The following SNAPC2 variants were observed in gnomAD, a reference collection of about 807,000 sequenced individuals.
The protein encoded by SNAPC2 is snRNA-activating protein complex subunit 2.
In SNAPC2, 27 loss-of-function variants were observed where a neutral mutation model predicts 22.9. The observed-to-expected ratio is 1.18, with a 90% confidence interval of 0.87 to 1.63. The LOEUF (loss-of-function observed/expected upper bound fraction) is 1.63, where lower values mean the gene tolerates loss of function less well. Ranked by LOEUF, SNAPC2 falls within the 40% of genes most tolerant of loss-of-function variation. The pLI, the probability that SNAPC2 is intolerant of heterozygous loss-of-function variation, is 0.00. For missense variants in SNAPC2, 570 were observed against 449.1 expected, an observed-to-expected ratio of 1.27 and a Z score of -2.43; for synonymous variants, 272 against 201.0, an observed-to-expected ratio of 1.35 and a Z score of -2.99.
At chr19:7,921,141 G>A in intron 1 of SNAPC2, 6 of 1,362,608 alleles carry the variant, frequency 4.4e-6, no homozygotes, top group African/African-American at 1.5e-5. Context: ...TAGAGAAGAG[G>A]GGACGAAGAA....
intron 3 of SNAPC2, 73 bp from the exon 4 acceptor site, chr19:7,921,962 G>A: frequency 2.0e-6 from 3 of 1,501,432 alleles, no homozygotes; most frequent in Admixed American, 3.7e-5. Flanking sequence ...GGGTGGCAGG[G>A]AGGATGGGGG....
At position 7,922,569 on chromosome 19, in the gene SNAPC2, C is replaced by G; in HGVS notation, c.810C>G (p.Pro270=). Residue 270 remains proline (P), a synonymous_variant, in exon 5 of 5, where the codon CCC becomes CCG. Transcript: ENST00000221573. ...GCCTGACAGCCCCCCAGCCCATTCC[C>G]GCTGGAGGGAGCCTGGGGCCTGCAG... The part of the protein sequence containing the change: ...YLRLTAPQPI[P]AGGSLGPAAE... 6.2e-7 allele frequency: 1 copy of G among 1,613,560 alleles called. No homozygotes were observed. Among genetic ancestry groups the G allele is most frequent in the Non-Finnish European group, 8.5e-7 (1 of 1,179,882 alleles).
chr19:7,921,329 C>T, intron 1 of SNAPC2, 94 bp from the exon 2 acceptor site: 1 of 1,584,662 alleles, frequency 6.3e-7, no homozygotes, highest in Non-Finnish European at 8.6e-7. Flanking sequence ...GGCGCAGTAG[C>T]GGGGCCCAGA....
chr19:7,920,975 T>C, intron 1 of SNAPC2: 1 of 1,092,374 alleles, frequency 9.2e-7, no homozygotes, highest in Admixed American at 5.0e-5. Flanking sequence ...GTGGGCGGGA[T>C]GAGGGCAAGC....
chr19:7,922,348 G>GT lies in SNAPC2; in HGVS notation c.685+2dup. 6.2e-7 allele frequency: 1 copy of GT among 1,611,768 alleles called. No individual in the cohort carries two copies. Among genetic ancestry groups the GT allele is most frequent in the Non-Finnish European group, 8.5e-7 (1 of 1,178,652 alleles). On this transcript the variant is annotated splice_donor_variant, in intron 4 of 4. Transcript: ENST00000221573. LOFTEE classifies it high-confidence loss of function. ...CGCAGCCCCGAGCTCTCAGCAGCTGGTGAGAAGGGTGAGGGAGGGGGCAGG... is the reference window on the plus strand; with the variant it reads ...CGCAGCCCCGAGCTCTCAGCAGCTGGTTGAGAAGGGTGAGGGAGGGGGCAGG...
intron 1 of SNAPC2, chr19:7,921,052 T>TCCC: frequency 8.5e-7 from 1 of 1,171,974 alleles, no homozygotes; most frequent in Non-Finnish European, 1.1e-6. Context: ...CGGAATGAAC[T>TCCC]GGGAGTAAGA....
chr19:7,922,468 C>G lies in SNAPC2; in HGVS notation c.709C>G (p.Leu237Val). 6.3e-7 allele frequency: 1 copy of G among 1,596,870 alleles called. No individual in the cohort carries two copies. The highest frequency in any genetic ancestry group is 8.6e-7 in the Non-Finnish European group (1 of 1,169,248). The change falls in exon 5 of 5, where the codon CTC (leucine) becomes GTC (valine). Residue 237 changes from leucine to valine, a missense_variant. Physicochemically the swap from Leu to Val is conservative, Grantham distance 32. Coordinates refer to ENST00000221573, the MANE Select transcript of SNAPC2 (RefSeq NM_003083.4). ...AGAGTCCGCTGTGGTCCTCGACCTG[C>G]TCATGTCACTTCCAGAGGAGCTGCC... is the stretch of plus-strand genomic sequence containing the variant. Reference protein sequence around the residue: ...AAESAVVLDLLMSLPEELPLL... With the variant: ...AAESAVVLDLVMSLPEELPLL...
At chr19:7,921,279 A>T in intron 1 of SNAPC2, 144 bp from the exon 2 acceptor site, 2 of 1,459,670 alleles carry the variant, frequency 1.4e-6, no homozygotes, top group Admixed American at 3.9e-5. Flanking sequence ...GGGCCTTGGC[A>T]GTCACTGGGA....
chr19:7,922,213 C>G lies in SNAPC2; in HGVS notation c.551C>G (p.Pro184Arg). The change falls in exon 4 of 5, where the codon CCT becomes CGT. Residue 184 changes from proline (P) to arginine (R), a missense_variant. By Grantham distance (103) the Pro-to-Arg change is moderately radical. Transcript: ENST00000221573. ...APSSAPRTPD[P>R]APEKPSESSA... is the part of the protein sequence containing the mutation. ...AGCTCCGCACCCAGGACTCCTGACCCTGCCCCTGAGAAACCTTCTGAGTCG... is the reference window on the plus strand; with the variant it reads ...AGCTCCGCACCCAGGACTCCTGACCGTGCCCCTGAGAAACCTTCTGAGTCG... The G allele has an allele frequency of 6.2e-7, 1 of 1,614,188 alleles. No individual in the cohort carries two copies. The highest frequency in any genetic ancestry group is 8.5e-7 in the Non-Finnish European group (1 of 1,180,028).
rs748572912 is a variant in SNAPC2, at chr19:7,922,656, C to G, written c.897C>G (p.Ala299=). ...PEETPPATEK[A]EHSELKSPWQ... ...AGACCCCCCCAGCCACCGAGAAGGC[C>G]GAGCACAGCGAACTGAAATCGCCTT... Residue 299 remains alanine (A), a synonymous_variant, in exon 5 of 5, where the codon GCC becomes GCG. Coordinates refer to ENST00000221573, the MANE Select transcript of SNAPC2 (RefSeq NM_003083.4). 1 of 1,613,688 alleles carries G rather than the reference C, an allele frequency of 6.2e-7. No individual in the cohort carries two copies. Among genetic ancestry groups the G allele is most frequent in the African/African-American group, 1.3e-5 (1 of 75,050 alleles).
Position 7,922,128 on chromosome 19 carries a change from G to C in SNAPC2, c.466G>C (p.Ala156Pro), listed in dbSNP as rs200376385. The change falls in exon 4 of 5, where the codon GCC becomes CCC. Residue 156 changes from alanine to proline, a missense_variant. Ala to Pro is a conservative substitution (Grantham distance 27). Transcript: ENST00000221573. ...QARGKPLLLS[A>P]PGGQEDPAPE... ...CCGTGGAAAGCCTTTGCTCCTGAGC[G>C]CCCCTGGAGGACAGGAAGACCCCGC... The C allele has an allele frequency of 3.7e-6, 6 of 1,613,808 alleles. No homozygotes were observed. Among genetic ancestry groups the C allele is most frequent in the Admixed American group, 3.3e-5 (2 of 59,988 alleles).
At chr19:7,920,993 G>T (rs1333926162) in intron 1 of SNAPC2, 2 of 1,134,530 alleles carry the variant, frequency 1.8e-6, no homozygotes, top group Non-Finnish European at 2.2e-6. Context: ...AGCTTTAAAG[G>T]CGGGGCGAGC....
chr19:7,921,648 T>TG (rs746460119), intron 2 of SNAPC2, 57 bp from the exon 3 acceptor site: 136 of 1,608,836 alleles, frequency 8.5e-5, no homozygotes, highest in Non-Finnish European at 1.1e-4. Flanking sequence ...GAGCAGGGCT[T>TG]GGGGGGCCAT....
chr19:7,921,836 A>C, intron 3 of SNAPC2, 63 bp downstream of exon 3: 2 of 1,549,674 alleles, frequency 1.3e-6, no homozygotes, highest in Non-Finnish European at 1.8e-6. Flanking sequence ...GGGCCAAATC[A>C]TGTGAACCTG....
Position 7,920,554 on chromosome 19 carries a change from G to A in SNAPC2, c.183+5G>A, listed in dbSNP as rs1983527837. ...CGGGGCCGGAGCGAGGCTGAGGTGA[G>A]ATGCGGTTCTCGGGACCGGAGCCAG... On this transcript the variant is annotated splice_donor_5th_base_variant and intron_variant, in intron 1 of 4. Coordinates refer to ENST00000221573, the MANE Select transcript of SNAPC2 (RefSeq NM_003083.4). The A allele has an allele frequency of 7.5e-7, 1 of 1,329,392 alleles. No homozygotes were observed. Among genetic ancestry groups the A allele is most frequent in the Non-Finnish European group, 9.7e-7 (1 of 1,028,816 alleles). 82.3% of individuals were successfully genotyped at this position (1,329,392 alleles called of 1,614,324 possible). A position where few individuals can be genotyped will look rare whatever the true frequency, so the allele number is the denominator to read the frequency against.
At chr19:7,921,944 G>A (rs1236935802) in intron 3 of SNAPC2, 91 bp from the exon 4 acceptor site, 2 of 1,445,440 alleles carry the variant, frequency 1.4e-6, no homozygotes, top group East Asian at 2.3e-5. Context: ...TGTCTGAGGA[G>A]CATCTTAGGG....
At position 7,922,289 on chromosome 19, in the gene SNAPC2, C is replaced by T. The variant is rs766046267; in HGVS notation, c.627C>T (p.Ile209=). The T allele has an allele frequency of 8.2e-5, 132 of 1,613,910 alleles. No homozygotes were observed. The highest frequency in any genetic ancestry group is 6.3e-5 in the Non-Finnish European group (74 of 1,180,022). ...EEDFAVDFEK[I]YKYLSSVSRS... ...ACTTTGCTGTGGACTTTGAGAAGATCTACAAGTACTTGTCCTCTGTCTCCC... is the reference window on the plus strand; with the variant it reads ...ACTTTGCTGTGGACTTTGAGAAGATTTACAAGTACTTGTCCTCTGTCTCCC... Residue 209 remains isoleucine (I), a synonymous_variant, in exon 4 of 5, where the codon ATC becomes ATT. Transcript: ENST00000221573.
In SNAPC2 at chr19:7,922,733, T is replaced by C; in HGVS notation, c.974T>C (p.Leu325Pro). The C allele has an allele frequency of 6.3e-7, 1 of 1,596,410 alleles. No homozygotes were observed. The highest frequency in any genetic ancestry group is 8.6e-7 in the Non-Finnish European group (1 of 1,167,388). Reference sequence around the variant, plus strand: ...AACCCGTTCCTGGTGCCCCTGGAGCTTCTGGGTCGGGCAGCCACCCCTGCC... The same window carrying C: ...AACCCGTTCCTGGTGCCCCTGGAGCCTCTGGGTCGGGCAGCCACCCCTGCC... ...PLNPFLVPLE[L>P]LGRAATPAR The change falls in exon 5 of 5, where the codon CTT becomes CCT. Residue 325 changes from leucine to proline, a missense_variant. By Grantham distance (98) the Leu-to-Pro change is moderately conservative (BLOSUM62 -3). Coordinates refer to ENST00000221573, the MANE Select transcript of SNAPC2 (RefSeq NM_003083.4).
chr19:7,922,597 G>T lies in SNAPC2; in HGVS notation c.838G>T (p.Glu280Ter). The T allele has an allele frequency of 6.2e-7, 1 of 1,613,660 alleles. No homozygotes were observed. Among genetic ancestry groups the T allele is most frequent in the Non-Finnish European group, 8.5e-7 (1 of 1,179,928 alleles). Residue 280 changes from glutamate to a stop codon, truncating the protein, a stop_gained, in exon 5 of 5, where the codon GAA (glutamate) becomes TAA (stop). Transcript: ENST00000221573. LOFTEE classifies it low-confidence loss of function (END_TRUNC). ...PAGGSLGPAAEGDGAGSKAPE... is the reference protein window; with the variant it reads ...PAGGSLGPAA The stretch of plus-strand genomic sequence containing the variant: ...TGGAGGGAGCCTGGGGCCTGCAGCA[G>T]AAGGGGATGGGGCTGGCTCCAAGGC...
Sources: allele counts gnomAD v4.1 joint callset, GRCh38; gene constraint gnomAD v4.1.1; transcripts MANE v1.5; gene names NCBI Gene and HGNC (gene_info 2026-07-23, HGNC 2026-07-21).